CRAMP1: variants seen among roughly 807,000 people sequenced by gnomAD.
CRAMP1 encodes the protein protein cramped-like.
Under a neutral mutation model 115.4 loss-of-function variants are expected in CRAMP1, and 50 were observed. That is an observed-to-expected ratio of 0.43 (90% CI 0.35 to 0.55). The LOEUF (loss-of-function observed/expected upper bound fraction) is 0.55. Among genes scored for constraint, CRAMP1 ranks in the 20% least tolerant of loss-of-function variants. CRAMP1 has a pLI of 0.01. For missense variants in CRAMP1, 1,679 were observed against 1,721.7 expected, an observed-to-expected ratio of 0.98 and a Z score of 0.44; for synonymous variants, 866 against 745.4, an observed-to-expected ratio of 1.16 and a Z score of -2.64.
intron 2 of CRAMP1, among the ~76,000 whole-genome samples, chr16:1,619,239 G>T (rs1337638456): frequency 2.0e-5 from 3 of 152,218 alleles, no homozygotes; most frequent in Admixed American, 1.3e-4. Flanking sequence ...TGAGTGCAGT[G>T]CTGCGATCTC....
chr16:1,655,771 CT>C, intron 9 of CRAMP1, 105 bp from the exon 10 acceptor site: 4 of 1,294,268 alleles, frequency 3.1e-6, no homozygotes, highest in Non-Finnish European at 4.3e-6. Context: ...GATTTATACC[CT>C]GGGGGATGCC....
Position 1,674,051 on chromosome 16 carries a change from C to A in CRAMP1, c.*6C>A. On this transcript the variant is annotated 3_prime_UTR_variant, in exon 21 of 21. Transcript: ENST00000397412. ...TCAGTGACCTGTCCCAGTGACCACACGTCCTGGTGGCGGATGAAGCCCTCT... is the reference window on the plus strand; with the variant it reads ...TCAGTGACCTGTCCCAGTGACCACAAGTCCTGGTGGCGGATGAAGCCCTCT... 6.2e-7 allele frequency: 1 copy of A among 1,611,090 alleles called. No individual in the cohort carries two copies. The highest frequency in any genetic ancestry group is 8.5e-7 in the Non-Finnish European group (1 of 1,179,376).
At chr16:1,627,601 C>T (rs1947532468) in intron 3 of CRAMP1, among the ~76,000 whole-genome samples, 1 of 152,220 alleles carries the variant, frequency 6.6e-6, no homozygotes, top group South Asian at 2.1e-4. Context: ...CGCTCCCGCC[C>T]TGGGCTGCAG....
rs140283474 is a variant in CRAMP1, at chr16:1,666,679, G to A, written c.3036+79G>A. 535 of 1,324,810 alleles carry A rather than the reference G, an allele frequency of 4.0e-4. 6 individuals are homozygous for A. The East Asian group carries it at 0.012, about 30-fold the overall frequency. 82.1% of individuals were successfully genotyped at this position (1,324,810 alleles called of 1,614,324 possible). ...GCCAAAGCCATGGGGCTGAGATCAC[G>A]CTGGACTCCAGCTCTGCCTTTGGAG... On this transcript the variant is annotated intron_variant, in intron 16 of 20. Transcript: ENST00000397412. This position sits in a 1 kb window ranked among gnomAD's most constrained non-coding sequence, Gnocchi z 5.0.
intron 6 of CRAMP1, 49 bp downstream of exon 6, chr16:1,641,236 T>G (rs747490400): frequency 2.9e-6 from 4 of 1,362,748 alleles, no homozygotes; most frequent in African/African-American, 2.9e-5. Context: ...GTGTTTTGTG[T>G]TTATTCTCTA....
chr16:1,668,136 C>A lies in CRAMP1; in HGVS notation c.3277C>A (p.Pro1093Thr). The A allele has an allele frequency of 6.2e-7, 1 of 1,613,696 alleles. No individual in the cohort carries two copies. The highest frequency in any genetic ancestry group is 1.1e-5 in the South Asian group (1 of 91,084). ...TGAGGATGCGCTGTCACAGGGCGAG[C>A]CTGCCACACACATTAGCGACTCCAT... ...PPEDALSQGE[P>T]ATHISDSIIE... The change falls in exon 18 of 21, where the codon CCT (proline) becomes ACT (threonine). Residue 1093 changes from proline to threonine, a missense_variant. Around this residue, in one of 8 missense-constraint regions of CRAMP1, gnomAD observed 709 missense variants for 741.9 expected, o/e 0.96. Transcript: ENST00000397412.
Position 1,666,609 on chromosome 16 carries a change from G to A in CRAMP1, c.3036+9G>A. On this transcript the variant is annotated intron_variant, in intron 16 of 20. Coordinates refer to ENST00000397412, the MANE Select transcript of CRAMP1 (RefSeq NM_020825.4). The surrounding 1 kb of genome is among the most constrained non-coding windows in gnomAD (Gnocchi z 5.0). ...CCCTCCCCACCGTGGGGGTGAGTAT[G>A]TTTAGAAGGGCTTTTCAGCATTACC... 6.2e-7 allele frequency: 1 copy of A among 1,609,930 alleles called. No homozygotes were observed. The highest frequency in any genetic ancestry group is 2.2e-5 in the East Asian group (1 of 44,730).
At position 1,614,803 on chromosome 16, in the gene CRAMP1, G is replaced by A; in HGVS notation, c.164G>A (p.Gly55Asp). The change falls in exon 2 of 21, where the codon GGC becomes GAC. Residue 55 changes from glycine to aspartate, a missense_variant. By Grantham distance (94) the Gly-to-Asp change is moderately conservative. Around this residue, in one of 8 missense-constraint regions of CRAMP1, gnomAD observed 264 missense variants for 229.7 expected, o/e 1.15. Transcript: ENST00000397412. The surrounding 1 kb of genome is among the most constrained non-coding windows in gnomAD (Gnocchi z 4.4). ...AGGGACGAGAAGACCCCCCGGGCCG[G>A]CGCCGACGGCCCCCCCGCGCCCCCC... ...TKRDEKTPRA[G>D]ADGPPAPPGA... is the part of the protein sequence containing the mutation. The A allele has an allele frequency of 7.8e-6, 10 of 1,284,930 alleles. No individual in the cohort carries two copies. Among genetic ancestry groups the A allele is most frequent in the South Asian group, 3.0e-5 (1 of 33,866 alleles). The allele number at this position is 1,284,930 out of a possible 1,614,324, so 79.6% of individuals were successfully genotyped here. A position where few individuals can be genotyped will look rare whatever the true frequency, so the allele number is the denominator to read the frequency against.
chr16:1,624,265 C>A (rs577308895), intron 2 of CRAMP1, among the ~76,000 whole-genome samples: 1 of 152,058 alleles, frequency 6.6e-6, no homozygotes, highest in East Asian at 1.9e-4. Context: ...ACAGACCCCC[C>A]ACCGGGTGAG....
intron 5 of CRAMP1, among the ~76,000 whole-genome samples, chr16:1,639,053 A>C (rs2036611343): frequency 6.6e-6 from 1 of 151,922 alleles, no homozygotes; most frequent in Admixed American, 6.6e-5. Context: ...AGCCTTGGGA[A>C]GCATCCCAGG....
In CRAMP1 at chr16:1,655,249, C is replaced by T; in HGVS notation, c.1068C>T (p.Ser356=). 1.2e-6 allele frequency: 2 copies of T among 1,614,000 alleles called. No homozygotes were observed. Among genetic ancestry groups the T allele is most frequent in the Non-Finnish European group, 1.7e-6 (2 of 1,179,860 alleles). Residue 356 remains serine (S), a synonymous_variant, in exon 9 of 21, where the codon TCC becomes TCT. Coordinates refer to ENST00000397412, the MANE Select transcript of CRAMP1 (RefSeq NM_020825.4). Reference sequence around the variant, plus strand: ...TCGTGGAGCTACATCGAAAGGTCTCCAGCCTCATCGAATTCTTGAAGCAGA... The same window carrying T: ...TCGTGGAGCTACATCGAAAGGTCTCTAGCCTCATCGAATTCTTGAAGCAGA... ...RMIVELHRKV[S]SLIEFLKQKW... is the part of the protein sequence containing the mutation.
At chr16:1,664,460 C>G (rs1311561015) in intron 13 of CRAMP1, among the ~76,000 whole-genome samples, 1 of 152,154 alleles carries the variant, frequency 6.6e-6, no homozygotes, top group African/African-American at 2.4e-5. Context: ...GCATTCCAGT[C>G]AAATCCAGAA....
intron 16 of CRAMP1, 43 bp from the exon 17 acceptor site, chr16:1,667,292 C>T (rs772944430): frequency 6.4e-7 from 1 of 1,562,936 alleles, no homozygotes; most frequent in Admixed American, 1.7e-5. Flanking sequence ...TGGGTGGCAT[C>T]TGGTGCACCC....
rs571661053 is a variant in CRAMP1, at chr16:1,616,493, ACT to A, written c.346+1512_346+1513del. ...TGAAATAGTGCATTGGTGTGAAAGC[ACT>A]CTCAGACGTGTACGTGGCTACTTGT... On this transcript the variant is annotated intron_variant, in intron 2 of 20. Coordinates refer to ENST00000397412, the MANE Select transcript of CRAMP1 (RefSeq NM_020825.4). 4.6e-5 allele frequency among the ~76,000 whole-genome samples: 7 copies of A among 152,218 alleles called. 1 individual carries two copies. The South Asian group carries it at 1.5e-3, about 32-fold the overall frequency.
At position 1,636,964 on chromosome 16, in the gene CRAMP1, C is replaced by T. The variant is rs150656135; in HGVS notation, c.695-860C>T. ...CTTCCAGTGGTGTAGCCATGACCAG[C>T]TGTCCATGTCTCAGCCTGTTTGCCT... On this transcript the variant is annotated intron_variant, in intron 4 of 20. Transcript: ENST00000397412. 2.6e-3 allele frequency among the ~76,000 whole-genome samples: 390 copies of T among 152,312 alleles called. 1 individual carries two copies. Among genetic ancestry groups the T allele is most frequent in the African/African-American group, 8.9e-3 (371 of 41,566 alleles).
intron 2 of CRAMP1, among the ~76,000 whole-genome samples, chr16:1,618,977 T>C (rs2142168195): frequency 6.6e-6 from 1 of 152,352 alleles, no homozygotes; most frequent in East Asian, 1.9e-4. Flanking sequence ...AAAACTAGTT[T>C]CTGTGGTGTC....
chr16:1,648,298 T>C (rs1289136713), intron 6 of CRAMP1, among the ~76,000 whole-genome samples: 4 of 152,126 alleles, frequency 2.6e-5, no homozygotes, highest in African/African-American at 7.2e-5. Context: ...GAGCACTTCA[T>C]TGGAGGAGAT....
At position 1,664,952 on chromosome 16, in the gene CRAMP1, T is replaced by C. The variant is rs2142205713; in HGVS notation, c.2671-105T>C. ...CATCGGCTCTGGAAAAAGCCCCACC[T>C]GGCTATGCTGGGCACCCTCTTACTT... On this transcript the variant is annotated intron_variant, in intron 13 of 20. Transcript: ENST00000397412. 3.8e-6 allele frequency: 3 copies of C among 782,910 alleles called. No individual in the cohort carries two copies. In the East Asian group the frequency reaches 7.7e-5, roughly 20 times the overall value. The allele number at this position is 782,910 out of a possible 1,614,324, so 48.5% of individuals were successfully genotyped here.
At chr16:1,619,678 G>A (rs2036450190) in intron 2 of CRAMP1, among the ~76,000 whole-genome samples, 1 of 152,182 alleles carries the variant, frequency 6.6e-6, no homozygotes, top group South Asian at 2.1e-4. Flanking sequence ...AATATTTGTA[G>A]GAGGGGAAAG....
Sources: allele counts gnomAD v4.1 joint callset (sites outside exome capture counted in the v4.1 genomes callset), GRCh38; gene constraint gnomAD v4.1.1; regional missense constraint gnomAD v4.1.1; non-coding constraint Gnocchi (gnomAD v3.1); transcripts MANE v1.5; gene names NCBI Gene and HGNC (gene_info 2026-07-23, HGNC 2026-07-21).